Variants in DLEC1 observed in about 807,000 individuals in gnomAD.
DLEC1 encodes DLEC1 cilia and flagella associated protein, also known as deleted in lung and esophageal cancer protein 1.
A neutral mutation model predicts 198.1 loss-of-function variants in DLEC1; 146 were observed. The observed-to-expected ratio is 0.74, with a 90% CI of 0.64 to 0.85. DLEC1 has a LOEUF of 0.85. Ranked by LOEUF, DLEC1 falls within the 40% of genes least tolerant of loss-of-function variation. The pLI, the probability that DLEC1 is intolerant of heterozygous loss-of-function variation, is 0.00. For synonymous variants in DLEC1, 897 were observed against 866.8 expected (o/e 1.03, Z -0.61); for missense variants, 2,233 against 2,220.0 (o/e 1.01, Z -0.12).
At chr3:38,093,918 C>A in intron 12 of DLEC1, 151 bp downstream of exon 12, 1 of 1,039,584 alleles carries the variant, frequency 9.6e-7, no homozygotes, top group Non-Finnish European at 1.4e-6. Context: ...CCAGATTGAC[C>A]CAGTCTATCA....
At chr3:38,062,430 G>A (rs1696740586) in intron 4 of DLEC1, 62 bp downstream of exon 4, 11 of 1,600,822 alleles carry the variant, frequency 6.9e-6, no homozygotes, top group Middle Eastern at 1.7e-4. Flanking sequence ...GAAGGGGAAG[G>A]CATTCAGATG....
intron 33 of DLEC1, among the ~76,000 whole-genome samples, chr3:38,120,200 G>A (rs11129780): frequency 0.12 from 17,916 of 152,276 alleles, 1,084 homozygotes; most frequent in Middle Eastern, 0.3. Context: ...AGGGCAACTT[G>A]CTCATGTCCC....
intron 11 of DLEC1, 145 bp from the exon 12 acceptor site, chr3:38,093,460 A>G (rs1698844754): frequency 1.1e-6 from 1 of 919,100 alleles, no homozygotes; most frequent in Non-Finnish European, 1.7e-6. Flanking sequence ...GTGGGCGGAT[A>G]TCCCCCTTTT....
chr3:38,088,562 ATG>A (rs1286073102), intron 10 of DLEC1, among the ~76,000 whole-genome samples, 174 bp downstream of exon 10: 5 of 152,156 alleles, frequency 3.3e-5, no homozygotes, highest in Non-Finnish European at 7.3e-5. Flanking sequence ...TGACTGTCTT[ATG>A]AGCATTTTCA....
At chr3:38,107,094 C>T (rs1029472291) in intron 19 of DLEC1, among the ~76,000 whole-genome samples, 9 of 152,176 alleles carry the variant, frequency 5.9e-5, no homozygotes, top group African/African-American at 2.2e-4. Flanking sequence ...ATGGTAGTTT[C>T]AACAAATTCC....
chr3:38,039,631 C>A lies in DLEC1; in HGVS notation c.406C>A (p.Gln136Lys). The change falls in exon 1 of 37, where the codon CAG becomes AAG. Residue 136 changes from glutamine to lysine, a missense_variant. Coordinates refer to ENST00000308059, the MANE Select transcript of DLEC1 (RefSeq NM_007335.4). Reference protein sequence around the residue: ...ERHEEFVDQLQQIRELYKQRL... With the variant: ...ERHEEFVDQLKQIRELYKQRL... The stretch of plus-strand genomic sequence containing the variant: ...CCACGAGGAGTTCGTGGACCAGCTG[C>A]AGCAGGTAACGTGGCGGTGGCGTCG... 6.3e-7 allele frequency: 1 copy of A among 1,598,450 alleles called. No individual in the cohort carries two copies. Among genetic ancestry groups the A allele is most frequent in the Non-Finnish European group, 8.6e-7 (1 of 1,169,360 alleles).
chr3:38,060,978 C>T (rs1696650442), intron 3 of DLEC1, among the ~76,000 whole-genome samples: 1 of 152,146 alleles, frequency 6.6e-6, no homozygotes, highest in Non-Finnish European at 1.5e-5. Context: ...AGCCACCGCA[C>T]CCGGCCACCA....
intron 6 of DLEC1, among the ~76,000 whole-genome samples, chr3:38,083,149 G>A (rs1033571043): frequency 1.3e-5 from 2 of 151,706 alleles, no homozygotes; most frequent in Non-Finnish European, 2.9e-5. Context: ...GGGCTCATCG[G>A]TCTGAGGACC....
intron 6 of DLEC1, among the ~76,000 whole-genome samples, chr3:38,077,367 T>C (rs1340859556): frequency 1.3e-5 from 2 of 152,314 alleles, no homozygotes; most frequent in Non-Finnish European, 2.9e-5. Flanking sequence ...TGGGACCTAA[T>C]AAAAAGGAGC....
chr3:38,122,486 C>A lies in DLEC1; in HGVS notation c.*74C>A, dbSNP rs756062589. On this transcript the variant is annotated 3_prime_UTR_variant, in exon 37 of 37. Coordinates refer to ENST00000308059, the MANE Select transcript of DLEC1 (RefSeq NM_007335.4). ...TGCCCAGGGATTAGGAGCAGCTCTT[C>A]AGCACAAAGACACAGACTTGGGGAC... The A allele has an allele frequency of 2.1e-5, 34 of 1,613,378 alleles. No individual in the cohort carries two copies. The South Asian group carries it at 3.6e-4, about 17-fold the overall frequency.
chr3:38,122,334 C>T lies in DLEC1; in HGVS notation c.5190C>T (p.Leu1730=), dbSNP rs760984380. Residue 1730 remains leucine (L), a synonymous_variant, in exon 37 of 37, where the codon CTC becomes CTT. Coordinates refer to ENST00000308059, the MANE Select transcript of DLEC1 (RefSeq NM_007335.4). ...YESTMVVEGV[L]GEKSCTLRLR... ...CCACGATGGTGGTGGAAGGTGTGCT[C>T]GGTGAGAAGTCCTGCACCCTGCGGC... is the stretch of plus-strand genomic sequence containing the variant. The T allele has an allele frequency of 2.7e-5, 43 of 1,613,894 alleles. No individual in the cohort carries two copies. The highest frequency in any genetic ancestry group is 5.0e-5 in the Admixed American group (3 of 59,982).
Position 38,116,852 on chromosome 3 carries a change from C to T in DLEC1, c.4142C>T (p.Pro1381Leu), listed in dbSNP as rs1184571370. The T allele has an allele frequency of 1.2e-6, 2 of 1,613,684 alleles. No homozygotes were observed. Among genetic ancestry groups the T allele is most frequent in the South Asian group, 2.2e-5 (2 of 91,046 alleles). Reference protein sequence around the residue: ...SVILQAHEGVPSGHLYCISPK... With the variant: ...SVILQAHEGVLSGHLYCISPK... ...ATCCTGCAGGCACATGAGGGGGTGC[C>T]CTCCGGCCACCTGTACTGTATCAGC... The change falls in exon 29 of 37, where the codon CCC (proline) becomes CTC (leucine). Residue 1381 changes from proline (P) to leucine (L), a missense_variant. Pro to Leu is a moderately conservative substitution (Grantham distance 98). Transcript: ENST00000308059.
At chr3:38,052,505 G>A (rs1009738908) in intron 2 of DLEC1, 1 of 194,814 alleles carries the variant, frequency 5.1e-6, no homozygotes, top group Non-Finnish European at 1.1e-5. Flanking sequence ...TATTGCGAGA[G>A]AAGCCCCACA....
intron 1 of DLEC1, among the ~76,000 whole-genome samples, chr3:38,041,799 G>A (rs1700666562): frequency 7.3e-6 from 1 of 137,292 alleles, no homozygotes; most frequent in Non-Finnish European, 1.5e-5. Flanking sequence ...AATGAGCCAA[G>A]ACTGCACCAC....
At chr3:38,072,571 A>G (rs7373028) in intron 6 of DLEC1, among the ~76,000 whole-genome samples, 141,109 of 152,186 alleles carry the variant, frequency 0.93, 65,462 homozygotes, top group African/African-American at 0.94. Flanking sequence ...TTCAAGGAAC[A>G]GAAAGAGGAG....
intron 1 of DLEC1, among the ~76,000 whole-genome samples, chr3:38,041,975 AAC>A (rs1174998127): frequency 6.6e-6 from 1 of 152,070 alleles, no homozygotes; most frequent in Non-Finnish European, 1.5e-5. Context: ...ATTGTAGACA[AAC>A]ACAGCTGCCA....
chr3:38,061,528 T>C (rs867367658), intron 3 of DLEC1, among the ~76,000 whole-genome samples: 97 of 152,354 alleles, frequency 6.4e-4, no homozygotes, highest in African/African-American at 2.3e-3. Context: ...ATACAAACTT[T>C]CATTCCTTCT....
Position 38,079,709 on chromosome 3 carries a change from G to A in DLEC1, c.1174-4449G>A, listed in dbSNP as rs548589959. On this transcript the variant is annotated intron_variant, in intron 6 of 36. Transcript: ENST00000308059. ...AAATCCCGGGTTGCAGGCATTCCTT[G>A]GCCTGGTGGTCAGATTTCTGGCACT... 2.0e-5 allele frequency among the ~76,000 whole-genome samples: 3 copies of A among 152,306 alleles called. No homozygotes were observed. The South Asian group carries it at 6.2e-4, about 32-fold the overall frequency.
chr3:38,112,168 C>T lies in DLEC1; in HGVS notation c.3515-42C>T, dbSNP rs775538378. 75 of 1,612,690 alleles carry T rather than the reference C, an allele frequency of 4.7e-5. No homozygotes were observed. Among genetic ancestry groups the T allele is most frequent in the Non-Finnish European group, 6.3e-5 (74 of 1,179,202 alleles). On this transcript the variant is annotated intron_variant, in intron 24 of 36. Coordinates refer to ENST00000308059, the MANE Select transcript of DLEC1 (RefSeq NM_007335.4). This position sits in a 1 kb window ranked among gnomAD's most constrained non-coding sequence, Gnocchi z 4.8. ...ACGAGGGTTTGGACCTCACTCCCAA[C>T]CCCAGGCCCGTGAATCCCCCACAGT...
Sources: allele counts gnomAD v4.1 joint callset (sites outside exome capture counted in the v4.1 genomes callset), GRCh38; gene constraint gnomAD v4.1.1; non-coding constraint Gnocchi (gnomAD v3.1); transcripts MANE v1.5; gene names NCBI Gene and HGNC (gene_info 2026-07-23, HGNC 2026-07-21).